The following TMEM63A variants were observed in gnomAD, a reference collection of about 807,000 sequenced individuals.
TMEM63A encodes mechanosensitive cation channel TMEM63A.
Under a neutral mutation model 100.6 loss-of-function variants are expected in TMEM63A, and 76 were observed. The ratio of observed to expected loss-of-function variants is 0.76; its 90% CI spans 0.63 to 0.91. The LOEUF (loss-of-function observed/expected upper bound fraction) is 0.91, where lower values mean the gene tolerates loss of function less well. TMEM63A is among the 40% of genes least tolerant of loss of function. The pLI is 0.00. For missense variants in TMEM63A, 876 were observed against 1,008.8 expected, an observed-to-expected ratio of 0.87 and a Z score of 1.78; for synonymous variants, 401 against 401.1, an observed-to-expected ratio of 1.00 and a Z score of 0.00.
chr1:225,861,820 G>T (rs956932750), intron 13 of TMEM63A: 4 of 219,414 alleles, frequency 1.8e-5, no homozygotes, highest in African/African-American at 8.9e-5. Flanking sequence ...GTGGGAAGGT[G>T]GGGAGCCACA....
At chr1:225,876,679 G>A (rs1029336283) in intron 3 of TMEM63A, among the ~76,000 whole-genome samples, 6 of 149,438 alleles carry the variant, frequency 4.0e-5, no homozygotes, top group African/African-American at 1.2e-4. Flanking sequence ...ACAGCGTCTC[G>A]CTCTTGTTGC....
At chr1:225,863,576 A>G (rs1237981408) in intron 10 of TMEM63A, among the ~76,000 whole-genome samples, 1 of 152,122 alleles carries the variant, frequency 6.6e-6, no homozygotes, top group African/African-American at 2.4e-5. Flanking sequence ...CAGAGGGTCT[A>G]ATGAAAGCAA....
chr1:225,859,218 G>A lies in TMEM63A; in HGVS notation c.1355C>T (p.Thr452Ile). The change falls in exon 15 of 25, where the codon ACC becomes ATC. Residue 452 changes from threonine to isoleucine, a missense_variant. By Grantham distance (89) the Thr-to-Ile change is moderately conservative. Around this residue, in one of 5 missense-constraint regions of TMEM63A, gnomAD observed 487 missense variants for 581.9 expected, o/e 0.84. Coordinates refer to ENST00000366835, the MANE Select transcript of TMEM63A (RefSeq NM_014698.3). ...CACATTCAGCGCATGGATGGGTTTG[G>A]TGACATTAAACTTGTCCATGGTGGA... ...ILSTMDKFNV[T>I]KPIHALNNPI... 6.2e-7 allele frequency: 1 copy of A among 1,614,110 alleles called. No individual in the cohort carries two copies.
At chr1:225,873,796 A>G (rs1211033412) in intron 4 of TMEM63A, among the ~76,000 whole-genome samples, 1 of 152,102 alleles carries the variant, frequency 6.6e-6, no homozygotes, top group African/African-American at 2.4e-5. Context: ...CCCTGGCCCC[A>G]AGCTAATTAA....
chr1:225,850,280 T>C (rs1185444896), intron 20 of TMEM63A, among the ~76,000 whole-genome samples: 2 of 152,152 alleles, frequency 1.3e-5, no homozygotes, highest in African/African-American at 2.4e-5. Context: ...TCCTCACTTA[T>C]CTGTGACCCC....
intron 13 of TMEM63A, 151 bp from the exon 14 acceptor site, chr1:225,861,148 G>A (rs1669915081): frequency 2.4e-6 from 2 of 816,886 alleles, no homozygotes; most frequent in Non-Finnish European, 3.6e-6. Context: ...TATGTAAGAG[G>A]TGCCACGCTA....
rs1669477464 is a variant in TMEM63A at position 225,853,835 on chromosome 1, T to C, written c.1635-44A>G. 6.6e-7 allele frequency: 1 copy of C among 1,524,482 alleles called. No homozygotes were observed. The highest frequency in any genetic ancestry group is 2.1e-5 in the Admixed American group (1 of 46,938). 94.4% of individuals were successfully genotyped at this position (1,524,482 alleles called of 1,614,324 possible). On this transcript the variant is annotated intron_variant, in intron 18 of 24. Transcript: ENST00000366835. The surrounding 1 kb of genome is among the most constrained non-coding windows in gnomAD (Gnocchi z 4.0). ...AGGTCTGTGAGCTGAGAGCCGCTCT[T>C]GGAGGGAGAGGAGGGGCCCCTAGGC...
At chr1:225,863,492 T>A (rs984519336) in intron 10 of TMEM63A, among the ~76,000 whole-genome samples, 1 of 152,228 alleles carries the variant, frequency 6.6e-6, no homozygotes, top group African/African-American at 2.4e-5. Flanking sequence ...TTATTGTTTG[T>A]GCTAGGTCAG....
chr1:225,851,708 G>A (rs1411439769), intron 20 of TMEM63A, among the ~76,000 whole-genome samples: 1 of 152,206 alleles, frequency 6.6e-6, no homozygotes, highest in Admixed American at 6.5e-5. Flanking sequence ...TTTTGAAAGT[G>A]TAAATACTGT....
chr1:225,849,935 T>A lies in TMEM63A; in HGVS notation c.2048A>T (p.Tyr683Phe). 6.2e-7 allele frequency: 1 copy of A among 1,614,046 alleles called. No individual in the cohort carries two copies. The highest frequency in any genetic ancestry group is 8.5e-7 in the Non-Finnish European group (1 of 1,179,998). The change falls in exon 21 of 25, where the codon TAC becomes TTC. Residue 683 changes from tyrosine (Y) to phenylalanine (F), a missense_variant. Tyr to Phe is a conservative substitution (Grantham distance 22). Coordinates refer to ENST00000366835, the MANE Select transcript of TMEM63A (RefSeq NM_014698.3). ...ACCCAGGCGCAGGAAGGAAAAGAAG[T>A]AGAGCCAGAAGAGGCACAGGATGGG... is the stretch of plus-strand genomic sequence containing the variant. Reference protein sequence around the residue: ...AAPILCLFWLYFFSFLRLGMK... With the variant: ...AAPILCLFWLFFFSFLRLGMK...
chr1:225,862,616 A>T lies in TMEM63A; in HGVS notation c.828-38T>A. 6.2e-7 allele frequency: 1 copy of T among 1,605,338 alleles called. No homozygotes were observed. Among genetic ancestry groups the T allele is most frequent in the Non-Finnish European group, 8.5e-7 (1 of 1,174,400 alleles). ...GAGCGGGGGCACAAACCTCAGATTT[A>T]GAATCCTGTGGCAGGGACCCCCATA... On this transcript the variant is annotated intron_variant, in intron 11 of 24. Coordinates refer to ENST00000366835, the MANE Select transcript of TMEM63A (RefSeq NM_014698.3). This position sits in a 1 kb window ranked among gnomAD's most constrained non-coding sequence, Gnocchi z 5.1.
chr1:225,848,788 GGCT>G (rs1669164005), intron 22 of TMEM63A, 106 bp downstream of exon 22: 5 of 960,522 alleles, frequency 5.2e-6, no homozygotes, highest in Non-Finnish European at 1.6e-6. Context: ...ATCTGGAGAA[GGCT>G]GCTGCTGTGT....
At position 225,877,376 on chromosome 1, in the gene TMEM63A, GACTCATGAGGGC is replaced by G. The variant is rs1278328638; in HGVS notation, c.186+7_186+18del. The stretch of plus-strand genomic sequence containing the variant: ...ACAAATAACTGAGGCAGTGGGACAC[GACTCATGAGGGC>G]TCTCACCAGGAAGCAGCTGACGTCT... On this transcript the variant is annotated splice_region_variant and intron_variant, in intron 3 of 24. Transcript: ENST00000366835. 1.1e-5 allele frequency: 18 copies of G among 1,597,368 alleles called. No homozygotes were observed. The highest frequency in any genetic ancestry group is 1.5e-5 in the Non-Finnish European group (17 of 1,167,418).
At chr1:225,874,155 A>T in intron 4 of TMEM63A, 133 bp downstream of exon 4, 1 of 843,524 alleles carries the variant, frequency 1.2e-6, no homozygotes, top group South Asian at 1.8e-5. Context: ...ATAAGCCCCT[A>T]GCCCATTCCA....
At chr1:225,852,485 C>CA in intron 20 of TMEM63A, among the ~76,000 whole-genome samples, 179 bp downstream of exon 20, 1 of 151,950 alleles carries the variant, frequency 6.6e-6, no homozygotes, top group Admixed American at 6.5e-5. Context: ...TGTCTCAAAA[C>CA]AAAAAAAGAA....
chr1:225,862,627 G>A lies in TMEM63A; in HGVS notation c.828-49C>T, dbSNP rs1470106785. 6.2e-7 allele frequency: 1 copy of A among 1,602,830 alleles called. No homozygotes were observed. Among genetic ancestry groups the A allele is most frequent in the Admixed American group, 1.7e-5 (1 of 59,678 alleles). ...CAAACCTCAGATTTAGAATCCTGTG[G>A]CAGGGACCCCCATACCCACAGTTCA... is the stretch of plus-strand genomic sequence containing the variant. On this transcript the variant is annotated intron_variant, in intron 11 of 24. Transcript: ENST00000366835. The surrounding 1 kb of genome is among the most constrained non-coding windows in gnomAD (Gnocchi z 5.1).
Position 225,865,694 on chromosome 1 carries a change from C to A in TMEM63A, c.746+203G>T. On this transcript the variant is annotated intron_variant, in intron 10 of 24. Coordinates refer to ENST00000366835, the MANE Select transcript of TMEM63A (RefSeq NM_014698.3). The surrounding 1 kb of genome is among the most constrained non-coding windows in gnomAD (Gnocchi z 4.6). ...GCTTGAAGAGGATAGGCCACCAGGG[C>A]GCTATTCACTGCACAGCACCAGCAG... 1 of 579,064 alleles carries A rather than the reference C, an allele frequency of 1.7e-6. No homozygotes were observed. The highest frequency in any genetic ancestry group is 3.1e-6 in the Non-Finnish European group (1 of 322,380). 35.9% of individuals were successfully genotyped at this position (579,064 alleles called of 1,614,324 possible).
intron 22 of TMEM63A, 88 bp downstream of exon 22, chr1:225,848,809 G>T: frequency 9.1e-7 from 1 of 1,104,570 alleles, no homozygotes; most frequent in South Asian, 1.4e-5. Flanking sequence ...TGTTGATACA[G>T]ACAAGGGTGG....
chr1:225,849,822 T>G lies in TMEM63A; in HGVS notation c.2071+90A>C, dbSNP rs533571285. 9 of 1,494,738 alleles carry G rather than the reference T, an allele frequency of 6.0e-6. No individual in the cohort carries two copies. The East Asian group carries it at 2.1e-4, about 34-fold the overall frequency. 92.6% of individuals were successfully genotyped at this position (1,494,738 alleles called of 1,614,324 possible). ...ACATTCTGACTGGATGCCATGCTGA[T>G]GCTGTGAAAGCAATGAGGGATCTGA... is the stretch of plus-strand genomic sequence containing the variant. On this transcript the variant is annotated intron_variant, in intron 21 of 24. Coordinates refer to ENST00000366835, the MANE Select transcript of TMEM63A (RefSeq NM_014698.3).
Sources: gnomAD v4.1 joint callset for allele counts (sites outside exome capture counted in the v4.1 genomes callset) on GRCh38, gnomAD v4.1.1 for gene constraint, gnomAD v4.1.1 regional missense constraint, Gnocchi (gnomAD v3.1) non-coding constraint, MANE v1.5 for transcripts, NCBI Gene and HGNC (gene_info 2026-07-23, HGNC 2026-07-21) for gene names.